USH1C: variants seen among roughly 807,000 people sequenced by gnomAD.
The protein encoded by USH1C is USH1 protein network component harmonin.
USH1C carries 90 observed loss-of-function variants against 119.3 expected under a neutral mutation model. That is an observed-to-expected ratio of 0.75 (90% CI 0.64 to 0.90). The LOEUF (loss-of-function observed/expected upper bound fraction) is 0.90, where lower values mean the gene tolerates loss of function less well. Ranked by LOEUF, USH1C falls within the 40% of genes least tolerant of loss-of-function variation. The pLI is 0.00. For synonymous variants in USH1C, 465 were observed against 443.3 expected (o/e 1.05, Z -0.62); for missense variants, 1,165 against 1,167.7 (o/e 1.00, Z 0.03).
At chr11:17,510,576 A>G (rs2133822967) in intron 16 of USH1C, 55 bp from the exon 17 acceptor site, 3 of 1,288,612 alleles carry the variant, frequency 2.3e-6, no homozygotes, top group African/African-American at 1.5e-5. Context: ...TTTGAATAAC[A>G]TGTGGATAGA....
chr11:17,540,579 A>G (rs562084894), intron 1 of USH1C, among the ~76,000 whole-genome samples: 2 of 152,200 alleles, frequency 1.3e-5, no homozygotes, highest in South Asian at 2.1e-4. Flanking sequence ...TCAAACTTAC[A>G]GCATTCGAAG....
At chr11:17,511,132 T>G (rs898636416) in intron 16 of USH1C, among the ~76,000 whole-genome samples, 2 of 152,198 alleles carry the variant, frequency 1.3e-5, no homozygotes, top group South Asian at 2.1e-4. Flanking sequence ...GAATTATTCA[T>G]GGTGTAAGGT....
chr11:17,515,755 T>G (rs1247961957), intron 15 of USH1C, among the ~76,000 whole-genome samples: 1 of 152,186 alleles, frequency 6.6e-6, no homozygotes, highest in African/African-American at 2.4e-5. Context: ...TGCAGAGATA[T>G]TCCTAGGAGA....
intron 5 of USH1C, 57 bp from the exon 6 acceptor site, chr11:17,527,097 C>CCCCCCTTG: frequency 7.5e-7 from 1 of 1,330,628 alleles, no homozygotes; most frequent in South Asian, 1.5e-5. Flanking sequence ...TCCCTCCCAC[C>CCCCCCTTG]GTCATGGAGT....
chr11:17,515,990 T>A (rs1196352617), intron 15 of USH1C, among the ~76,000 whole-genome samples: 1 of 152,226 alleles, frequency 6.6e-6, no homozygotes, highest in East Asian at 1.9e-4. Flanking sequence ...TCAGGGCCAG[T>A]GCTGATGCAC....
chr11:17,527,646 C>A (rs1850770404), intron 4 of USH1C, among the ~76,000 whole-genome samples: 1 of 152,178 alleles, frequency 6.6e-6, no homozygotes, highest in Non-Finnish European at 1.5e-5. Flanking sequence ...TCTAGTGCCC[C>A]TTTCACTCCA....
At chr11:17,523,145 A>G (rs1295136736) in intron 11 of USH1C, 66 bp downstream of exon 11, 6 of 1,609,622 alleles carry the variant, frequency 3.7e-6, no homozygotes, top group Non-Finnish European at 4.3e-6. Flanking sequence ...TGTGTGGCAG[A>G]GATCAAAGGT....
intron 22 of USH1C, 128 bp downstream of exon 22, chr11:17,501,354 G>C: frequency 8.4e-7 from 1 of 1,188,326 alleles, no homozygotes; most frequent in East Asian, 2.5e-5. Context: ...CTCCGTGGGA[G>C]AGGGGAGGAC....
intron 16 of USH1C, among the ~76,000 whole-genome samples, chr11:17,511,408 G>A (rs887752334): frequency 6.6e-6 from 1 of 152,170 alleles, no homozygotes; most frequent in African/African-American, 2.4e-5. Flanking sequence ...AGACAGGTCA[G>A]TGGAAGCCTA....
At chr11:17,533,578 G>C in intron 1 of USH1C, 1 of 607,552 alleles carries the variant, frequency 1.6e-6, no homozygotes, top group Non-Finnish European at 3.0e-6. Flanking sequence ...CCCCAGGTGG[G>C]GCAATATGTG....
chr11:17,530,872 T>C (rs1213275732), intron 4 of USH1C, among the ~76,000 whole-genome samples: 1 of 151,348 alleles, frequency 6.6e-6, no homozygotes, highest in Non-Finnish European at 1.5e-5. Flanking sequence ...TCTTGGGGAG[T>C]AGGGGAGGTG....
chr11:17,543,551 G>A (rs375955371), intron 1 of USH1C, among the ~76,000 whole-genome samples: 8 of 152,254 alleles, frequency 5.3e-5, no homozygotes, highest in East Asian at 3.9e-4. Context: ...AATCATTCTC[G>A]AAATGCCCTG....
At chr11:17,510,376 G>T in intron 17 of USH1C, 29 bp downstream of exon 17, 4 of 1,563,026 alleles carry the variant, frequency 2.6e-6, no homozygotes, top group South Asian at 2.2e-5. Context: ...ACAGCAGGAG[G>T]GTCTATGTGG....
intron 14 of USH1C, 128 bp downstream of exon 14, chr11:17,520,742 C>A (rs1850372936): frequency 5.3e-6 from 6 of 1,139,596 alleles, no homozygotes; most frequent in African/African-American, 1.5e-5. Flanking sequence ...CCCACAGCTG[C>A]CCCTCCATGA....
chr11:17,499,933 C>T (rs2133778821), intron 23 of USH1C, among the ~76,000 whole-genome samples: 1 of 152,322 alleles, frequency 6.6e-6, no homozygotes, highest in South Asian at 2.1e-4. Context: ...TCATAGGGTC[C>T]CCCACTCTGG....
chr11:17,534,514 G>A (rs1460594462), intron 1 of USH1C, among the ~76,000 whole-genome samples: 1 of 152,212 alleles, frequency 6.6e-6, no homozygotes, highest in Non-Finnish European at 1.5e-5. Flanking sequence ...GGCTTTAGTT[G>A]CTACAGAAGT....
chr11:17,494,387 G>A lies in USH1C; in HGVS notation c.2656-11C>T. ...CTTCAGAAGAAGGTCCTGCAGGGAA[G>A]TGGAAACAGCCCAGGTGGATACAGG... On this transcript the variant is annotated splice_polypyrimidine_tract_variant and intron_variant, in intron 26 of 26. Transcript: ENST00000005226. 1 of 1,593,332 alleles carries A rather than the reference G, an allele frequency of 6.3e-7. No homozygotes were observed. The highest frequency in any genetic ancestry group is 8.6e-7 in the Non-Finnish European group (1 of 1,169,128).
chr11:17,516,505 C>T (rs958647726), intron 14 of USH1C: 9 of 594,382 alleles, frequency 1.5e-5, no homozygotes, highest in African/African-American at 5.6e-5. Context: ...AGAAAAGCCC[C>T]GGTTCCCAGG....
intron 19 of USH1C, 136 bp from the exon 20 acceptor site, chr11:17,504,833 T>C: frequency 3.6e-6 from 3 of 825,112 alleles, no homozygotes; most frequent in Non-Finnish European, 6.0e-6. Flanking sequence ...TGGCTTACGT[T>C]AAAGGCCTGC....
Sources: allele counts gnomAD v4.1 joint callset (sites outside exome capture counted in the v4.1 genomes callset), GRCh38; gene constraint gnomAD v4.1.1; transcripts MANE v1.5; gene names NCBI Gene and HGNC (gene_info 2026-07-23, HGNC 2026-07-21).